The following ZMPSTE24 variants were observed in gnomAD, a reference collection of about 807,000 sequenced individuals.
The protein encoded by ZMPSTE24 is CAAX prenyl protease 1 homolog.
Under a neutral mutation model 56.7 loss-of-function variants are expected in ZMPSTE24, and 48 were observed. The observed-to-expected ratio is 0.85, with a 90% CI of 0.67 to 1.08. The LOEUF (loss-of-function observed/expected upper bound fraction) is 1.08. Among genes scored for constraint, ZMPSTE24 ranks in the 50% least tolerant of loss-of-function variants. The pLI, the probability that ZMPSTE24 is intolerant of heterozygous loss-of-function variation, is 0.00. For synonymous variants in ZMPSTE24, 172 were observed against 195.2 expected (o/e 0.88, Z 0.99); for missense variants, 503 against 548.7 (o/e 0.92, Z 0.83).
intron 6 of ZMPSTE24, among the ~76,000 whole-genome samples, chr1:40,278,506 C>T (rs1450475415): frequency 2.4e-5 from 3 of 126,694 alleles, no homozygotes; most frequent in Non-Finnish European, 4.7e-5. Flanking sequence ...TGCAGTGAGC[C>T]GAGATCGCGC....
chr1:40,258,339 T>C lies in ZMPSTE24; in HGVS notation c.68T>C (p.Val23Ala). 5 of 1,614,194 alleles carry C rather than the reference T, an allele frequency of 3.1e-6. No homozygotes were observed. Among genetic ancestry groups the C allele is most frequent in the South Asian group, 1.1e-5 (1 of 91,086 alleles). ...MPAEKRIFGA[V>A]LLFSWTVYLW... ...GCCGAGAAGCGTATCTTCGGGGCCG[T>C]GCTGCTCTTTTCCTGGACAGTGTAT... Residue 23 changes from valine (V) to alanine (A), a missense_variant, in exon 1 of 10, where the codon GTG becomes GCG. By Grantham distance (64) the Val-to-Ala change is moderately conservative. Coordinates refer to ENST00000372759, the MANE Select transcript of ZMPSTE24 (RefSeq NM_005857.5).
chr1:40,271,719 A>G (rs1485804008), intron 5 of ZMPSTE24, among the ~76,000 whole-genome samples, 175 bp from the exon 6 acceptor site: 5 of 152,218 alleles, frequency 3.3e-5, no homozygotes, highest in Non-Finnish European at 7.3e-5. Flanking sequence ...CATCAGACAG[A>G]TATTATGCTC....
rs182509234 is a variant in ZMPSTE24, at chr1:40,291,116, G to A, written c.1203+119G>A. 97 of 1,325,984 alleles carry A rather than the reference G, an allele frequency of 7.3e-5. 1 individual carries two copies. In the African/African-American group the frequency reaches 1.3e-3, roughly 18 times the overall value. The allele number at this position is 1,325,984 out of a possible 1,614,324, so 82.1% of individuals were successfully genotyped here. The stretch of plus-strand genomic sequence containing the variant: ...AGTTTTAACAAATAGATGAAACAAA[G>A]TCTTTTAGTCCCCTGATTCACTGGT... On this transcript the variant is annotated intron_variant, in intron 9 of 9. Transcript: ENST00000372759.
rs549991862 is a variant in ZMPSTE24, at chr1:40,267,932, A to C, written c.357+60A>C. Reference sequence around the variant, plus strand: ...TTTCTTTTAGCTTGGCAGGCTTTCCACTAAAGTTAATTTTTTGGCTTCTGC... The same window carrying C: ...TTTCTTTTAGCTTGGCAGGCTTTCCCCTAAAGTTAATTTTTTGGCTTCTGC... On this transcript the variant is annotated intron_variant, in intron 3 of 9. Transcript: ENST00000372759. The C allele has an allele frequency of 2.7e-6, 4 of 1,494,582 alleles. No homozygotes were observed. In the South Asian group the frequency reaches 4.5e-5, roughly 17 times the overall value. 92.6% of individuals were successfully genotyped at this position (1,494,582 alleles called of 1,614,324 possible).
At chr1:40,279,594 G>A (rs1643706670) in intron 6 of ZMPSTE24, among the ~76,000 whole-genome samples, 1 of 152,216 alleles carries the variant, frequency 6.6e-6, no homozygotes, top group East Asian at 1.9e-4. Flanking sequence ...TTGAATAAGT[G>A]GTAGTCAGTT....
chr1:40,275,868 A>G (rs1643666373), intron 6 of ZMPSTE24, among the ~76,000 whole-genome samples: 1 of 152,148 alleles, frequency 6.6e-6, no homozygotes, highest in Non-Finnish European at 1.5e-5. Flanking sequence ...ACTTATAATC[A>G]TATTGCAGAA....
intron 1 of ZMPSTE24, among the ~76,000 whole-genome samples, chr1:40,260,477 C>T (rs1643485929): frequency 6.6e-6 from 1 of 152,150 alleles, no homozygotes; most frequent in South Asian, 2.1e-4. Flanking sequence ...TCACAGTTAG[C>T]ATGTGTGCTT....
intron 5 of ZMPSTE24, 93 bp from the exon 6 acceptor site, chr1:40,271,801 A>G: frequency 2.1e-6 from 3 of 1,423,886 alleles, no homozygotes; most frequent in Non-Finnish European, 2.9e-6. Flanking sequence ...TTTGAGGTCA[A>G]CATAGTTGTT....
In ZMPSTE24 at chr1:40,277,375, C is replaced by T. The variant is rs138888588; in HGVS notation, c.770-3968C>T. On this transcript the variant is annotated intron_variant, in intron 6 of 9. Transcript: ENST00000372759. ...TGCTGGGATTACAGGCATGAGCCAC[C>T]GCACCCTGCCAGGGATTCTTAAACT... Among the ~76,000 whole-genome samples, 633 of 152,188 alleles carry T rather than the reference C, an allele frequency of 4.2e-3. 6 individuals are homozygous for T. Among genetic ancestry groups the T allele is most frequent in the African/African-American group, 0.015 (606 of 41,544 alleles).
At chr1:40,260,424 T>G (rs1330086441) in intron 1 of ZMPSTE24, among the ~76,000 whole-genome samples, 1 of 152,164 alleles carries the variant, frequency 6.6e-6, no homozygotes, top group East Asian at 1.9e-4. Context: ...GTTTCTGGCA[T>G]TTAGGACCAA....
intron 6 of ZMPSTE24, 31 bp from the exon 7 acceptor site, chr1:40,281,312 T>C (rs1414983012): frequency 6.2e-7 from 1 of 1,612,324 alleles, no homozygotes; most frequent in Admixed American, 1.7e-5. Context: ...TTTTTAATTA[T>C]ATTCCATGCT....
chr1:40,266,298 GTGAT>G (rs1302109074), intron 2 of ZMPSTE24, among the ~76,000 whole-genome samples: 1 of 152,178 alleles, frequency 6.6e-6, no homozygotes, highest in African/African-American at 2.4e-5. Context: ...GTCAAGGAAT[GTGAT>G]TGATCATTGT....
At chr1:40,288,182 TTAAAA>T (rs1312867049) in intron 8 of ZMPSTE24, among the ~76,000 whole-genome samples, 11 of 151,908 alleles carry the variant, frequency 7.2e-5, no homozygotes, top group Non-Finnish European at 2.9e-5. Flanking sequence ...CTAAAAAAAA[TTAAAA>T]TAAAAAGGCC....
At position 40,270,009 on chromosome 1, in the gene ZMPSTE24, A is replaced by G. The variant is rs1313726284; in HGVS notation, c.509A>G (p.Lys170Arg). ...TTCTTCATGAAAGATGCAATCAAGA[A>G]ATTTGTTGTGACTCAGTGTATTTTG... ...LGFFMKDAIK[K>R]FVVTQCILLP... The change falls in exon 5 of 10, where the codon AAA (lysine) becomes AGA (arginine). Residue 170 changes from lysine (K) to arginine (R), a missense_variant. Transcript: ENST00000372759. 2.5e-6 allele frequency: 4 copies of G among 1,613,790 alleles called. No individual in the cohort carries two copies. The highest frequency in any genetic ancestry group is 3.4e-6 in the Non-Finnish European group (4 of 1,179,908).
At chr1:40,275,786 A>G (rs891409540) in intron 6 of ZMPSTE24, among the ~76,000 whole-genome samples, 4 of 150,824 alleles carry the variant, frequency 2.7e-5, no homozygotes, top group Admixed American at 6.6e-5. Flanking sequence ...AACGTTTGAT[A>G]TCTCACAAAA....
chr1:40,277,795 C>T (rs1164315493), intron 6 of ZMPSTE24, among the ~76,000 whole-genome samples: 1 of 151,388 alleles, frequency 6.6e-6, no homozygotes, highest in Non-Finnish European at 1.5e-5. Flanking sequence ...ATGATGAAAC[C>T]CCGTCTCTAC....
At chr1:40,277,693 G>T (rs1402311832) in intron 6 of ZMPSTE24, among the ~76,000 whole-genome samples, 2 of 151,892 alleles carry the variant, frequency 1.3e-5, no homozygotes, top group Admixed American at 6.6e-5. Context: ...TAGCAGCCAG[G>T]CGTGGTAGCT....
At chr1:40,278,694 A>G (rs1261072938) in intron 6 of ZMPSTE24, among the ~76,000 whole-genome samples, 2 of 152,222 alleles carry the variant, frequency 1.3e-5, no homozygotes, top group Non-Finnish European at 2.9e-5. Flanking sequence ...CTAAATTGAC[A>G]GAACTAATAC....
intron 1 of ZMPSTE24, among the ~76,000 whole-genome samples, chr1:40,259,736 G>A (rs1361919155): frequency 4.6e-5 from 7 of 152,046 alleles, no homozygotes; most frequent in African/African-American, 1.7e-4. Flanking sequence ...TCAGCCTTCT[G>A]AGTTGCTAGG....
Sources: gnomAD v4.1 joint callset for allele counts (sites outside exome capture counted in the v4.1 genomes callset) on GRCh38, gnomAD v4.1.1 for gene constraint, MANE v1.5 for transcripts, NCBI Gene and HGNC (gene_info 2026-07-23, HGNC 2026-07-21) for gene names.